The following PCGF5 variants were observed in gnomAD, a reference collection of about 807,000 sequenced individuals.
PCGF5 encodes the protein polycomb group ring finger 5.
Under a neutral mutation model 44.3 loss-of-function variants are expected in PCGF5, and 9 were observed. That is an observed-to-expected ratio of 0.20 (90% CI 0.12 to 0.35). The LOEUF is 0.35. Ranked by LOEUF, PCGF5 falls within the 10% of genes least tolerant of loss-of-function variation. The probability of loss-of-function intolerance (pLI) is 1.00; values close to 1 mark genes in which losing one functional copy is unlikely to be tolerated. For missense variants in PCGF5, 146 were observed against 305.3 expected (o/e 0.48, Z 3.89); for synonymous variants, 95 against 102.5 (o/e 0.93, Z 0.44).
chr10:91,172,661 T>C (rs1013804287), intron 1 of PCGF5, among the ~76,000 whole-genome samples: 3 of 152,232 alleles, frequency 2.0e-5, no homozygotes. Flanking sequence ...CCCTTGAACA[T>C]AGGTTATTGA....
chr10:91,206,780 T>C (rs917885545), intron 1 of PCGF5, among the ~76,000 whole-genome samples: 1 of 152,146 alleles, frequency 6.6e-6, no homozygotes, highest in Non-Finnish European at 1.5e-5. Context: ...GCCTTTGCCT[T>C]ACATTGTGTA....
chr10:91,161,170 C>G (rs1564621089), upstream of PCGF5, among the ~76,000 whole-genome samples: 1 of 152,222 alleles, frequency 6.6e-6, no homozygotes, highest in Non-Finnish European at 1.5e-5. Context: ...CTCTCTTTGC[C>G]CCTCCAGCCT....
At chr10:91,272,615 A>T (rs1271416201) in intron 9 of PCGF5, among the ~76,000 whole-genome samples, 1 of 152,126 alleles carries the variant, frequency 6.6e-6, no homozygotes, top group African/African-American at 2.4e-5. Context: ...TCTACAAAAA[A>T]TACAAAAATT....
intron 3 of PCGF5, among the ~76,000 whole-genome samples, chr10:91,247,839 A>C (rs1431165000): frequency 6.6e-6 from 1 of 152,170 alleles, no homozygotes; most frequent in Non-Finnish European, 1.5e-5. Context: ...GCTGCATAAC[A>C]GACAACCCCT....
At position 91,238,601 on chromosome 10, in the gene PCGF5, CTTTTTTTTTT is replaced by C. The variant is rs71487496; in HGVS notation, c.113-1862_113-1853del. Reference sequence around the variant, plus strand: ...CTCTCATTTCTTTCTTTCTTTCTTTCTTTTTTTTTTTTTTTTTTTTTTTTTTTTTTGCCTC... The same window carrying C: ...CTCTCATTTCTTTCTTTCTTTCTTTCTTTTTTTTTTTTTTTTTTTTGCCTC... On this transcript the variant is annotated intron_variant, in intron 2 of 9. Coordinates refer to ENST00000336126, the MANE Select transcript of PCGF5 (RefSeq NM_032373.5). 2.5e-3 allele frequency among the ~76,000 whole-genome samples: 144 copies of C among 58,496 alleles called. 1 individual carries two copies. Among genetic ancestry groups the C allele is most frequent in the African/African-American group, 9.5e-3 (135 of 14,268 alleles). The allele number at this position is 58,496 out of a possible 152,430, so 38.4% of individuals were successfully genotyped here.
chr10:91,252,172 T>A (rs1403301732), intron 6 of PCGF5, among the ~76,000 whole-genome samples: 1 of 152,034 alleles, frequency 6.6e-6, no homozygotes, highest in Non-Finnish European at 1.5e-5. Context: ...GCTGTTAGAT[T>A]TTTGTCACTT....
rs1846493203 is a variant in PCGF5 at position 91,283,161 on chromosome 10, TTAAG to T, written c.*4849_*4852del. On this transcript the variant is annotated 3_prime_UTR_variant, in exon 10 of 10. Coordinates refer to ENST00000336126, the MANE Select transcript of PCGF5 (RefSeq NM_032373.5). ...ATTGCAGTGATGTTTTTCCAATAAT[TTAAG>T]TAATTCTCTTCCTAGTATAATACAG... The T allele has an allele frequency of 1.3e-5, 2 of 152,234 alleles. No individual in the cohort carries two copies. Among genetic ancestry groups the T allele is most frequent in the Non-Finnish European group, 2.9e-5 (2 of 68,040 alleles). The allele number at this position is 152,234 out of a possible 1,614,324, so 9.4% of individuals were successfully genotyped here.
At chr10:91,221,922 G>C (rs769325305) in intron 1 of PCGF5, among the ~76,000 whole-genome samples, 2 of 152,216 alleles carry the variant, frequency 1.3e-5, no homozygotes, top group Non-Finnish European at 2.9e-5. Flanking sequence ...ACTGAGAATA[G>C]CATTGGAGAA....
intron 2 of PCGF5, among the ~76,000 whole-genome samples, chr10:91,238,620 T>C (rs1275800705): frequency 2.9e-4 from 40 of 137,306 alleles, no homozygotes; most frequent in African/African-American, 6.1e-4. Flanking sequence ...TTTTTTTTTT[T>C]TTTTTTTTTT....
At chr10:91,230,397 A>G (rs1286319795) in intron 2 of PCGF5, among the ~76,000 whole-genome samples, 4 of 151,958 alleles carry the variant, frequency 2.6e-5, no homozygotes, top group Non-Finnish European at 5.9e-5. Flanking sequence ...ACAAAAGATA[A>G]TTTTCATTTG....
chr10:91,205,559 A>G (rs992783554), intron 1 of PCGF5, among the ~76,000 whole-genome samples: 2 of 152,226 alleles, frequency 1.3e-5, no homozygotes, highest in African/African-American at 4.8e-5. Flanking sequence ...CACAAGTCCT[A>G]TCTAATCTGT....
intron 1 of PCGF5, among the ~76,000 whole-genome samples, chr10:91,181,108 A>G (rs531699537): frequency 3.9e-5 from 6 of 152,166 alleles, no homozygotes; most frequent in South Asian, 4.1e-4. Context: ...TTTTATGGCA[A>G]TTGTGCATGG....
chr10:91,233,671 T>G (rs1845072780), intron 2 of PCGF5, among the ~76,000 whole-genome samples: 1 of 152,194 alleles, frequency 6.6e-6, no homozygotes, highest in Non-Finnish European at 1.5e-5. Flanking sequence ...CGTGTAAGAA[T>G]AGGTATCAAA....
At chr10:91,248,918 G>A (rs766647894) in intron 5 of PCGF5, among the ~76,000 whole-genome samples, 194 bp downstream of exon 5, 30 of 152,022 alleles carry the variant, frequency 2.0e-4, no homozygotes, top group Non-Finnish European at 3.8e-4. Context: ...AGTCACTTTA[G>A]TGAGGGTAAT....
intron 1 of PCGF5, among the ~76,000 whole-genome samples, chr10:91,210,346 G>A (rs985204520): frequency 1.3e-5 from 2 of 152,166 alleles, no homozygotes; most frequent in African/African-American, 4.8e-5. Flanking sequence ...TTATGTATAT[G>A]TTATAGAAGG....
intron 6 of PCGF5, among the ~76,000 whole-genome samples, chr10:91,254,617 A>G (rs1845703880): frequency 6.6e-6 from 1 of 152,044 alleles, no homozygotes; most frequent in Non-Finnish European, 1.5e-5. Context: ...CTTCTCAGCC[A>G]TCTCATTCCT....
chr10:91,163,425 C>T (rs1272320950), intron 1 of PCGF5, among the ~76,000 whole-genome samples: 1 of 151,974 alleles, frequency 6.6e-6, no homozygotes, highest in African/African-American at 2.4e-5. Flanking sequence ...AGCAGCGGCT[C>T]CCTGGCTGGA....
At chr10:91,217,084 A>C (rs1442824515), upstream of PCGF5, among the ~76,000 whole-genome samples, 1 of 151,932 alleles carries the variant, frequency 6.6e-6, no homozygotes, top group Non-Finnish European at 1.5e-5. Context: ...CCCAGGATGG[A>C]GTGCAGTGGC....
chr10:91,216,439 G>A (rs1346282535), upstream of PCGF5, among the ~76,000 whole-genome samples: 1 of 152,160 alleles, frequency 6.6e-6, no homozygotes, highest in Non-Finnish European at 1.5e-5. Flanking sequence ...TGGGGGTGGG[G>A]AGGCTGTAGA....
Sources: gnomAD v4.1 joint callset for allele counts (sites outside exome capture counted in the v4.1 genomes callset) on GRCh38, gnomAD v4.1.1 for gene constraint, MANE v1.5 for transcripts, NCBI Gene and HGNC (gene_info 2026-07-23, HGNC 2026-07-21) for gene names.